URI1: variants seen among roughly 807,000 people sequenced by gnomAD.
URI1 encodes the protein URI1 prefoldin like chaperone.
In URI1, 39 loss-of-function variants were observed where a neutral mutation model predicts 60.2. The observed-to-expected ratio is 0.65, with a 90% CI of 0.50 to 0.85. The LOEUF is 0.85. Ranked by LOEUF, URI1 falls within the 40% of genes least tolerant of loss-of-function variation. The pLI, the probability that URI1 is intolerant of heterozygous loss-of-function variation, is 0.00. For missense variants in URI1, 691 were observed against 665.9 expected, an observed-to-expected ratio of 1.04 and a Z score of -0.42; for synonymous variants, 251 against 236.8, an observed-to-expected ratio of 1.06 and a Z score of -0.55.
intron 4 of URI1, among the ~76,000 whole-genome samples, chr19:29,987,754 A>T (rs1443622395): frequency 6.6e-6 from 1 of 152,234 alleles, no homozygotes; most frequent in African/African-American, 2.4e-5. Context: ...GAGTAGAGAA[A>T]CATGTTTTTG....
intron 2 of URI1, chr19:29,980,283 GC>G (rs1215169190): frequency 6.6e-6 from 1 of 152,040 alleles, no homozygotes; most frequent in Non-Finnish European, 1.5e-5. Context: ...TATGCCATAG[GC>G]TTGTTGTAGA....
At chr19:29,943,177 T>C (rs2055054923) in intron 1 of URI1, among the ~76,000 whole-genome samples, 3 of 151,986 alleles carry the variant, frequency 2.0e-5, no homozygotes, top group Non-Finnish European at 4.4e-5. Flanking sequence ...ACTTCTGGCC[T>C]CAAGCGATCC....
At chr19:29,953,790 A>T (rs1471082762) in intron 1 of URI1, among the ~76,000 whole-genome samples, 1 of 151,942 alleles carries the variant, frequency 6.6e-6, no homozygotes, top group East Asian at 1.9e-4. Flanking sequence ...AATCACTAGG[A>T]TCCTGTAGTG....
intron 4 of URI1, 63 bp from the exon 5 acceptor site, chr19:30,005,298 A>T: frequency 1.1e-6 from 1 of 944,912 alleles, no homozygotes; most frequent in Non-Finnish European, 1.6e-6. Context: ...GACTACAGTT[A>T]AAATATTCCT....
intron 10 of URI1, 167 bp downstream of exon 10, chr19:30,012,698 CAAAT>C (rs1252963439): frequency 6.2e-6 from 5 of 810,180 alleles, no homozygotes; most frequent in Admixed American, 3.7e-5. Flanking sequence ...TTGTGATAAT[CAAAT>C]AGTTTATTTT....
rs140817981 is a variant in URI1 at position 29,996,479 on chromosome 19, T to TTGTG, written c.368-8864_368-8861dup. Among the ~76,000 whole-genome samples the TTGTG allele has an allele frequency of 6.8e-3, 1,030 of 150,516 alleles. 14 individuals carry two copies. Among genetic ancestry groups the TTGTG allele is most frequent in the East Asian group, 0.022 (113 of 5,110 alleles). On this transcript the variant is annotated intron_variant, in intron 4 of 10. Transcript: ENST00000392271. ...TTTTTATTAGCTTTACAAGGGTGTT[T>TTGTG]TGTGTGTGTGTGTGTGTGTGTATTC...
intron 10 of URI1, among the ~76,000 whole-genome samples, chr19:30,013,955 C>T (rs190487521): frequency 4.0e-5 from 6 of 150,556 alleles, no homozygotes; most frequent in Admixed American, 2.6e-4. Context: ...TTAGGTGTTA[C>T]GTTGTTTTAA....
upstream of URI1, chr19:29,937,506 CT>C (rs1297879705): frequency 6.6e-6 from 1 of 152,162 alleles, no homozygotes; most frequent in African/African-American, 2.4e-5. Context: ...TTCTCCTCCT[CT>C]TCAGGGATTG....
intron 8 of URI1, 88 bp downstream of exon 8, chr19:30,009,441 A>T: frequency 8.1e-7 from 1 of 1,229,808 alleles, no homozygotes; most frequent in South Asian, 1.4e-5. Flanking sequence ...ATTAACAATC[A>T]TTATCATTGT....
At chr19:29,943,135 G>A (rs1388199133) in intron 1 of URI1, among the ~76,000 whole-genome samples, 2 of 151,684 alleles carry the variant, frequency 1.3e-5, no homozygotes, top group South Asian at 2.1e-4. Flanking sequence ...AAAAAAAAGA[G>A]AGTCTCACTA....
At chr19:29,948,166 G>T (rs1033305523) in intron 1 of URI1, among the ~76,000 whole-genome samples, 15 of 152,176 alleles carry the variant, frequency 9.9e-5, no homozygotes, top group African/African-American at 3.6e-4. Flanking sequence ...TTATGACTTT[G>T]TGTTATCTTG....
chr19:29,924,092 T>A (rs1008838759), intron 1 of URI1, among the ~76,000 whole-genome samples: 3 of 152,056 alleles, frequency 2.0e-5, no homozygotes, highest in African/African-American at 7.2e-5. Flanking sequence ...TGAATTTGCT[T>A]TTCCTCTGTC....
intron 1 of URI1, among the ~76,000 whole-genome samples, 196 bp downstream of exon 1, chr19:29,942,860 C>T (rs57838780): frequency 6.6e-6 from 1 of 152,110 alleles, no homozygotes; most frequent in Admixed American, 6.5e-5. Context: ...GTGTGCAGCC[C>T]GTTCGCCTGC....
At chr19:30,000,386 A>G (rs2055863308) in intron 4 of URI1, among the ~76,000 whole-genome samples, 1 of 151,810 alleles carries the variant, frequency 6.6e-6, no homozygotes, top group Non-Finnish European at 1.5e-5. Flanking sequence ...CTGTTTCCCA[A>G]AGCACCCTTT....
intron 1 of URI1, among the ~76,000 whole-genome samples, chr19:29,930,248 C>T (rs2054905161): frequency 6.6e-6 from 1 of 152,042 alleles, no homozygotes; most frequent in Non-Finnish European, 1.5e-5. Context: ...TGATAGTGTC[C>T]TTTGATGCAT....
intron 4 of URI1, among the ~76,000 whole-genome samples, chr19:29,994,789 T>G (rs2053621211): frequency 6.6e-6 from 1 of 151,494 alleles, no homozygotes; most frequent in South Asian, 2.1e-4. Flanking sequence ...GGATTTTTTT[T>G]TTTTTTTTTG....
chr19:29,969,581 T>C (rs2055433371), intron 1 of URI1, among the ~76,000 whole-genome samples: 1 of 152,196 alleles, frequency 6.6e-6, no homozygotes. Flanking sequence ...GATTATCATG[T>C]AGAGGTTAAT....
At chr19:29,990,199 C>T (rs551999904) in intron 4 of URI1, among the ~76,000 whole-genome samples, 1 of 152,196 alleles carries the variant, frequency 6.6e-6, no homozygotes, top group Non-Finnish European at 1.5e-5. Context: ...GCAACAAGAC[C>T]ATCTTAGATA....
chr19:29,950,283 T>G (rs968820018), intron 1 of URI1, among the ~76,000 whole-genome samples: 1 of 152,170 alleles, frequency 6.6e-6, no homozygotes, highest in Non-Finnish European at 1.5e-5. Context: ...GGGAAGAAGG[T>G]GCGTGGAATC....
Sources: gnomAD v4.1 joint callset for allele counts (sites outside exome capture counted in the v4.1 genomes callset) on GRCh38, gnomAD v4.1.1 for gene constraint, MANE v1.5 for transcripts, NCBI Gene and HGNC (gene_info 2026-07-23, HGNC 2026-07-21) for gene names.